The following ARHGEF33 variants were observed in gnomAD, a reference collection of about 807,000 sequenced individuals.
ARHGEF33 encodes Rho guanine nucleotide exchange factor 33.
In ARHGEF33, 72 loss-of-function variants were observed where a neutral mutation model predicts 101.9. The ratio of observed to expected loss-of-function variants is 0.71; its 90% CI spans 0.58 to 0.86. ARHGEF33 has a LOEUF of 0.86. ARHGEF33 is among the 40% of genes least tolerant of loss of function. The pLI, the probability that ARHGEF33 is intolerant of heterozygous loss-of-function variation, is 0.00. For synonymous variants in ARHGEF33, 499 were observed against 442.5 expected (o/e 1.13, Z -1.60); for missense variants, 1,169 against 1,111.3 (o/e 1.05, Z -0.74).
chr2:38,948,532 A>T (rs1173175129), intron 10 of ARHGEF33, among the ~76,000 whole-genome samples: 1 of 151,618 alleles, frequency 6.6e-6, no homozygotes, highest in Non-Finnish European at 1.5e-5. Context: ...AGGGAGAAGG[A>T]AGGAAGAAAG....
intron 10 of ARHGEF33, among the ~76,000 whole-genome samples, chr2:38,950,449 T>TTTTATTTA (rs1023182618): frequency 6.6e-6 from 1 of 152,188 alleles, no homozygotes; most frequent in African/African-American, 2.4e-5. Flanking sequence ...TTTATTTGTA[T>TTTTATTTA]TTTATTTATT....
chr2:38,914,741 G>A (rs1666595415), intron 2 of ARHGEF33, among the ~76,000 whole-genome samples: 2 of 151,312 alleles, frequency 1.3e-5, no homozygotes, highest in African/African-American at 4.9e-5. Context: ...TGTATTATGT[G>A]AGAGTGAGAT....
chr2:38,935,681 A>G (rs970585331), intron 7 of ARHGEF33, 94 bp from the exon 8 acceptor site: 2 of 958,638 alleles, frequency 2.1e-6, no homozygotes, highest in African/African-American at 1.7e-5. Flanking sequence ...TGAAACTACA[A>G]TCTCTGAGTC....
At position 38,937,320 on chromosome 2, in the gene ARHGEF33, C is replaced by T; in HGVS notation, c.566-15C>T. 2.7e-6 allele frequency: 1 copy of T among 369,170 alleles called. No individual in the cohort carries two copies. The highest frequency in any genetic ancestry group is 5.0e-6 in the Non-Finnish European group (1 of 200,416). 22.9% of individuals were successfully genotyped at this position (369,170 alleles called of 1,614,324 possible). On this transcript the variant is annotated splice_polypyrimidine_tract_variant and intron_variant, in intron 8 of 17. Transcript: ENST00000409978. ...AGTTTTCTTTGTTTCCCCGCCCCTC[C>T]CCCCACCCCACCAGGAGTGAACCCA...
At chr2:38,896,182 G>A (rs970754392) in intron 2 of ARHGEF33, among the ~76,000 whole-genome samples, 1 of 152,090 alleles carries the variant, frequency 6.6e-6, no homozygotes, top group African/African-American at 2.4e-5. Context: ...TTGCTCTGTC[G>A]CCCAGTAGTG....
intron 16 of ARHGEF33, among the ~76,000 whole-genome samples, chr2:38,963,004 A>C (rs561343800): frequency 1.4e-5 from 2 of 140,012 alleles, no homozygotes; most frequent in South Asian, 2.4e-4. Context: ...AGCCTGGGAG[A>C]AAGTGTGAGA....
At chr2:38,942,164 C>G (rs1235592411) in intron 9 of ARHGEF33, among the ~76,000 whole-genome samples, 1 of 107,314 alleles carries the variant, frequency 9.3e-6, no homozygotes, top group East Asian at 2.7e-4. Context: ...TCTCTCCTTT[C>G]TTTTTTTTTT....
chr2:38,931,439 AT>A (rs749474769), intron 7 of ARHGEF33, 188 bp downstream of exon 7: 8,244 of 433,074 alleles, frequency 0.019, no homozygotes, highest in South Asian at 0.028. Flanking sequence ...AGTTTTAAAT[AT>A]TTTTTTTTTG....
chr2:38,937,357 A>T lies in ARHGEF33; in HGVS notation c.588A>T (p.Glu196Asp), dbSNP rs1165785565. The change falls in exon 9 of 18, where the codon GAA becomes GAT. Residue 196 changes from glutamate (E) to aspartate (D), a missense_variant. Transcript: ENST00000409978. Reference sequence around the variant, plus strand: ...CAGGAGTGAACCCAACAACTCCAGAAGCAGAAGAAAACCTCAAGTCTTGCC... The same window carrying T: ...CAGGAGTGAACCCAACAACTCCAGATGCAGAAGAAAACCTCAAGTCTTGCC... ...MGPGVNPTTP[E>D]AEENLKSCLS... is the part of the protein sequence containing the mutation. 2.4e-6 allele frequency: 3 copies of T among 1,251,416 alleles called. No homozygotes were observed. Among genetic ancestry groups the T allele is most frequent in the Non-Finnish European group, 3.2e-6 (3 of 947,424 alleles). The allele number at this position is 1,251,416 out of a possible 1,614,324, so 77.5% of individuals were successfully genotyped here. A position where few individuals can be genotyped will look rare whatever the true frequency, so the allele number is the denominator to read the frequency against.
At chr2:38,905,405 T>C (rs1327254007) in intron 2 of ARHGEF33, among the ~76,000 whole-genome samples, 3 of 152,200 alleles carry the variant, frequency 2.0e-5, no homozygotes, top group African/African-American at 7.2e-5. Flanking sequence ...GGTTGTGATA[T>C]CACCGTGTTA....
intron 9 of ARHGEF33, among the ~76,000 whole-genome samples, chr2:38,942,164 C>CTTTTTTT (rs35282727): frequency 5.6e-5 from 6 of 107,332 alleles, no homozygotes; most frequent in Non-Finnish European, 1.1e-4. Context: ...TCTCTCCTTT[C>CTTTTTTT]TTTTTTTTTT....
chr2:38,922,332 GA>G (rs1290823215), intron 4 of ARHGEF33, among the ~76,000 whole-genome samples: 1 of 152,046 alleles, frequency 6.6e-6, no homozygotes, highest in East Asian at 1.9e-4. Context: ...TGGTAACTAG[GA>G]AAAAGAGTGC....
At chr2:38,947,898 C>G (rs1667492362) in intron 10 of ARHGEF33, among the ~76,000 whole-genome samples, 1 of 152,164 alleles carries the variant, frequency 6.6e-6, no homozygotes, top group Non-Finnish European at 1.5e-5. Flanking sequence ...CTGCCAAGCT[C>G]AGGAGTTATT....
intron 1 of ARHGEF33, among the ~76,000 whole-genome samples, chr2:38,895,261 T>C (rs773101057): frequency 6.6e-6 from 1 of 152,256 alleles, no homozygotes; most frequent in African/African-American, 2.4e-5. Context: ...AATCACAGAA[T>C]GTTTTCTAAA....
chr2:38,895,137 AC>A (rs1666091906), intron 1 of ARHGEF33, among the ~76,000 whole-genome samples: 1 of 152,116 alleles, frequency 6.6e-6, no homozygotes, highest in East Asian at 1.9e-4. Flanking sequence ...CTTCACATCC[AC>A]ACTGTGAGGC....
At position 38,962,849 on chromosome 2, in the gene ARHGEF33, C is replaced by CAAAAA. The variant is rs386389985; in HGVS notation, c.2343+2222_2343+2226dup. ...TCAACACGGTGAAACCCCGTCTCTA[C>CAAAAA]AAAAAAAAAAAAAAAAAAAAAAAAA... On this transcript the variant is annotated intron_variant, in intron 16 of 17. Transcript: ENST00000409978. Among the ~76,000 whole-genome samples the CAAAAA allele has an allele frequency of 3.3e-3, 175 of 53,108 alleles. 1 individual carries two copies. Among genetic ancestry groups the CAAAAA allele is most frequent in the East Asian group, 4.4e-3 (7 of 1,604 alleles). 34.8% of individuals were successfully genotyped at this position (53,108 alleles called of 152,430 possible).
intron 9 of ARHGEF33, among the ~76,000 whole-genome samples, chr2:38,939,598 T>A (rs1158008399): frequency 1.3e-5 from 2 of 152,208 alleles, no homozygotes; most frequent in Non-Finnish European, 2.9e-5. Context: ...TAAGTATGTT[T>A]TTATATGCTT....
chr2:38,962,983 C>G (rs1371544512), intron 16 of ARHGEF33, among the ~76,000 whole-genome samples: 2 of 142,776 alleles, frequency 1.4e-5, no homozygotes, highest in Non-Finnish European at 3.0e-5. Flanking sequence ...GAGATCGCAT[C>G]ACTGCACTCC....
At chr2:38,957,958 T>C (rs1227588931) in intron 14 of ARHGEF33, 76 bp from the exon 15 acceptor site, 2 of 1,475,960 alleles carry the variant, frequency 1.4e-6, no homozygotes, top group South Asian at 1.3e-5. Flanking sequence ...TCTCTCTATC[T>C]TTTTTGGCAT....
Sources: gnomAD v4.1 joint callset for allele counts (sites outside exome capture counted in the v4.1 genomes callset) on GRCh38, gnomAD v4.1.1 for gene constraint, MANE v1.5 for transcripts, NCBI Gene and HGNC (gene_info 2026-07-23, HGNC 2026-07-21) for gene names.